Variants in FUT8 observed in about 807,000 individuals in gnomAD.
FUT8 encodes the protein fucosyltransferase 8.
Under a neutral mutation model 71.3 loss-of-function variants are expected in FUT8, and 29 were observed. That is an observed-to-expected ratio of 0.41 (90% CI 0.30 to 0.55). The LOEUF (loss-of-function observed/expected upper bound fraction) is 0.55, where lower values mean the gene tolerates loss of function less well. FUT8 is among the 20% of genes least tolerant of loss of function. The pLI, the probability that FUT8 is intolerant of heterozygous loss-of-function variation, is 0.34. For missense variants in FUT8, 544 were observed against 702.1 expected (o/e 0.77, Z 2.55); for synonymous variants, 254 against 239.3 (o/e 1.06, Z -0.57).
chr14:65,710,074 C>G (rs554085324), intron 7 of FUT8, among the ~76,000 whole-genome samples: 6 of 152,258 alleles, frequency 3.9e-5, no homozygotes, highest in Admixed American at 1.3e-4. Flanking sequence ...CCTTTAAAAC[C>G]TCACTAATAA....
chr14:65,627,306 T>A lies in FUT8; in HGVS notation c.483-2186T>A, dbSNP rs1236947880. Reference sequence around the variant, plus strand: ...TCCATACGGGCCTGCAGCAGCTCGATTCTTGCTTCCTTGGAGGAAATAATT... The same window carrying A: ...TCCATACGGGCCTGCAGCAGCTCGAATCTTGCTTCCTTGGAGGAAATAATT... On this transcript the variant is annotated intron_variant, in intron 5 of 10. Coordinates refer to ENST00000673929, the MANE Select transcript of FUT8 (RefSeq NM_001371533.1). This position sits in a 1 kb window ranked among gnomAD's most constrained non-coding sequence, Gnocchi z 4.0. Among the ~76,000 whole-genome samples, 1 of 152,082 alleles carries A rather than the reference T, an allele frequency of 6.6e-6. No homozygotes were observed. The highest frequency in any genetic ancestry group is 1.5e-5 in the Non-Finnish European group (1 of 68,010).
At chr14:65,438,287 A>G (rs956869387) in intron 1 of FUT8, among the ~76,000 whole-genome samples, 1 of 151,832 alleles carries the variant, frequency 6.6e-6, no homozygotes, top group African/African-American at 2.4e-5. Flanking sequence ...TTCCCCTCAC[A>G]TATTCATTCT....
rs1207124841 is a variant in FUT8, at chr14:65,741,182, G to C, written c.1411-911G>C. Among the ~76,000 whole-genome samples the C allele has an allele frequency of 5.3e-5, 8 of 151,796 alleles. No homozygotes were observed. The East Asian group carries it at 1.4e-3, about 26-fold the overall frequency. On this transcript the variant is annotated intron_variant, in intron 10 of 10. Coordinates refer to ENST00000673929, the MANE Select transcript of FUT8 (RefSeq NM_001371533.1). Reference sequence around the variant, plus strand: ...AAGCTCAGATTGTGGAATTTCACCTGCTATCCAGTGAGCAGAGAGGGTATT... The same window carrying C: ...AAGCTCAGATTGTGGAATTTCACCTCCTATCCAGTGAGCAGAGAGGGTATT...
intron 2 of FUT8, among the ~76,000 whole-genome samples, chr14:65,465,641 G>C (rs2139604265): frequency 6.6e-6 from 1 of 152,258 alleles, no homozygotes; most frequent in African/African-American, 2.4e-5. Context: ...TTCCATTGTG[G>C]TGTGTCTATT....
chr14:65,608,799 A>G (rs1221609317), intron 3 of FUT8, among the ~76,000 whole-genome samples: 1 of 152,038 alleles, frequency 6.6e-6, no homozygotes, highest in Non-Finnish European at 1.5e-5. Flanking sequence ...CTATTGCTGC[A>G]GCTGCACAGT....
At chr14:65,640,265 A>C (rs895246643) in intron 6 of FUT8, among the ~76,000 whole-genome samples, 4 of 152,064 alleles carry the variant, frequency 2.6e-5, no homozygotes, top group African/African-American at 9.6e-5. Context: ...AAAGAAAAAA[A>C]AAATGCTACA....
At position 65,693,254 on chromosome 14, in the gene FUT8, A is replaced by C. The variant is rs574733428; in HGVS notation, c.835+23774A>C. Among the ~76,000 whole-genome samples the C allele has an allele frequency of 2.0e-4, 31 of 151,990 alleles. No homozygotes were observed. The South Asian group carries it at 6.5e-3, about 32-fold the overall frequency. ...GTGAACGAGACTCCGTCTGCAATCC[A>C]GGCACCTCGGGAGGCCGAGGCTGGC... On this transcript the variant is annotated intron_variant, in intron 7 of 10. Coordinates refer to ENST00000673929, the MANE Select transcript of FUT8 (RefSeq NM_001371533.1).
chr14:65,358,888 G>A, the FUT8 span, among the ~76,000 whole-genome samples: 2 of 152,116 alleles, frequency 1.3e-5, no homozygotes, highest in African/African-American at 4.8e-5. Context: ...ATAAGTTGCT[G>A]AGCATCATGA....
At chr14:65,630,358 A>G (rs889773789) in intron 6 of FUT8, among the ~76,000 whole-genome samples, 1 of 152,188 alleles carries the variant, frequency 6.6e-6, no homozygotes, top group Non-Finnish European at 1.5e-5. Flanking sequence ...TCTAGTTCTT[A>G]TTAATATGTA....
intron 6 of FUT8, chr14:65,646,668 CTTTT>C (rs1294803413): frequency 1.4e-5 from 2 of 146,316 alleles, no homozygotes; most frequent in South Asian, 2.2e-4. Flanking sequence ...TTTCCAATGA[CTTTT>C]TTTTTTTTGG....
chr14:65,561,268 C>T (rs1885900706), intron 2 of FUT8, 69 bp from the exon 3 acceptor site: 1 of 277,944 alleles, frequency 3.6e-6, no homozygotes, highest in African/African-American at 2.1e-5. Flanking sequence ...GTGTTTCCTC[C>T]AAGAATCTCA....
the FUT8 span, among the ~76,000 whole-genome samples, chr14:65,388,125 CAA>C: frequency 5.9e-5 from 9 of 152,086 alleles, no homozygotes; most frequent in Non-Finnish European, 2.9e-5. Context: ...TGTATCTTCC[CAA>C]AGTGATAAAG....
intron 7 of FUT8, among the ~76,000 whole-genome samples, chr14:65,700,853 T>TG (rs143905901): frequency 0.01 from 1,581 of 152,332 alleles, 29 homozygotes; most frequent in African/African-American, 0.036. Context: ...TATTGTCATT[T>TG]GGGGGGATCA....
the FUT8 span, among the ~76,000 whole-genome samples, chr14:65,359,866 C>A: frequency 3.3e-5 from 5 of 152,024 alleles, no homozygotes; most frequent in African/African-American, 1.2e-4. Flanking sequence ...TGCTCTATCA[C>A]CCAGGCTGGA....
At chr14:65,641,760 T>G (rs1890851716) in intron 6 of FUT8, among the ~76,000 whole-genome samples, 1 of 151,768 alleles carries the variant, frequency 6.6e-6, no homozygotes, top group African/African-American at 2.4e-5. Context: ...GTGGTTTTTT[T>G]TTTTTCATTT....
the FUT8 span, among the ~76,000 whole-genome samples, chr14:65,375,071 G>T: frequency 2.0e-5 from 3 of 152,080 alleles, no homozygotes; most frequent in African/African-American, 7.2e-5. Context: ...CACAGGGGTG[G>T]GGTGGTCATT....
chr14:65,441,594 A>C (rs11625255), intron 1 of FUT8, among the ~76,000 whole-genome samples: 92,310 of 150,820 alleles, frequency 0.61, 30,853 homozygotes, highest in Non-Finnish European at 0.76. Flanking sequence ...CACACACACA[A>C]AAAAAAAAAT....
chr14:65,439,986 ATAT>A (rs1566748291), intron 1 of FUT8, among the ~76,000 whole-genome samples: 1 of 139,562 alleles, frequency 7.2e-6, no homozygotes, highest in African/African-American at 2.6e-5. Context: ...ATATATATAT[ATAT>A]ATGTACACAC....
chr14:65,742,569 T>G lies in FUT8; in HGVS notation c.*159T>G. Reference sequence around the variant, plus strand: ...AGAGCAGCTGGGAACTGACATAGGCTTCAATTGGTGGAATTCCTCTTTAAC... The same window carrying G: ...AGAGCAGCTGGGAACTGACATAGGCGTCAATTGGTGGAATTCCTCTTTAAC... On this transcript the variant is annotated 3_prime_UTR_variant, in exon 11 of 11. Coordinates refer to ENST00000673929, the MANE Select transcript of FUT8 (RefSeq NM_001371533.1). The G allele has an allele frequency of 1.6e-6, 1 of 629,808 alleles. No homozygotes were observed. Among genetic ancestry groups the G allele is most frequent in the Non-Finnish European group, 2.7e-6 (1 of 365,640 alleles). The allele number at this position is 629,808 out of a possible 1,614,324, so 39.0% of individuals were successfully genotyped here. A position where few individuals can be genotyped will look rare whatever the true frequency, so the allele number is the denominator to read the frequency against.
Sources: allele counts gnomAD v4.1 joint callset (sites outside exome capture counted in the v4.1 genomes callset), GRCh38; gene constraint gnomAD v4.1.1; non-coding constraint Gnocchi (gnomAD v3.1); transcripts MANE v1.5; gene names NCBI Gene and HGNC (gene_info 2026-07-23, HGNC 2026-07-21).